Variants in LRIG1 observed in about 807,000 individuals in gnomAD.
LRIG1 encodes leucine-rich repeats and immunoglobulin-like domains protein 1.
A neutral mutation model predicts 99.2 loss-of-function variants in LRIG1; 48 were observed. The observed-to-expected ratio is 0.48, with a 90% CI of 0.38 to 0.62. The LOEUF is 0.62. LRIG1 is among the 20% of genes least tolerant of loss of function. The pLI, the probability that LRIG1 is intolerant of heterozygous loss-of-function variation, is 0.00. For missense variants in LRIG1, 1,646 were observed against 1,434.4 expected (o/e 1.15, Z -2.38); for synonymous variants, 772 against 596.1 (o/e 1.29, Z -4.30).
chr3:66,417,002 A>G, intron 4 of LRIG1, 127 bp downstream of exon 4: 1 of 1,277,062 alleles, frequency 7.8e-7, no homozygotes, highest in Non-Finnish European at 1.1e-6. Context: ...ATCCCCACTG[A>G]CTCGGCCCAG....
chr3:66,450,108 C>A (rs1019650254), intron 3 of LRIG1, among the ~76,000 whole-genome samples: 1 of 152,200 alleles, frequency 6.6e-6, no homozygotes, highest in African/African-American at 2.4e-5. Context: ...AAATTAAACA[C>A]CTTCCAGATG....
chr3:66,460,699 G>C (rs1700336244), intron 2 of LRIG1, among the ~76,000 whole-genome samples: 1 of 152,206 alleles, frequency 6.6e-6, no homozygotes, highest in South Asian at 2.1e-4. Flanking sequence ...AAGGCACCCA[G>C]CCTGTGCTAT....
chr3:66,495,361 C>T (rs898857109), intron 1 of LRIG1, among the ~76,000 whole-genome samples: 2 of 152,154 alleles, frequency 1.3e-5, no homozygotes, highest in Admixed American at 6.5e-5. Flanking sequence ...AATATTAACA[C>T]GGCCCAGAGT....
rs1032481802 is a variant in LRIG1, at chr3:66,379,447, C to T, written c.*816G>A. The T allele has an allele frequency of 6.6e-6, 1 of 152,102 alleles. No homozygotes were observed. Among genetic ancestry groups the T allele is most frequent in the Non-Finnish European group, 1.5e-5 (1 of 68,032 alleles). The allele number at this position is 152,102 out of a possible 1,614,324, so 9.4% of individuals were successfully genotyped here. The stretch of plus-strand genomic sequence containing the variant: ...GCAGCCTTTACCTTAATTTAAAAGT[C>T]TCAAATAGCAATCGAATGATACTGA... On this transcript the variant is annotated 3_prime_UTR_variant, in exon 19 of 19. Coordinates refer to ENST00000273261, the MANE Select transcript of LRIG1 (RefSeq NM_015541.3).
intron 7 of LRIG1, among the ~76,000 whole-genome samples, chr3:66,408,574 C>G (rs922705789): frequency 8.5e-5 from 13 of 152,182 alleles, no homozygotes; most frequent in African/African-American, 3.1e-4. Context: ...GCATGCCATC[C>G]CTGGGGCCAC....
Position 66,379,518 on chromosome 3 carries a change from G to A in LRIG1, c.*745C>T, listed in dbSNP as rs1700906117. ...TCATAAAATAAGAGGAGGAGGAAAGGCAGTGTTTAACTGTTCTGACCTTTT... is the reference window on the plus strand; with the variant it reads ...TCATAAAATAAGAGGAGGAGGAAAGACAGTGTTTAACTGTTCTGACCTTTT... On this transcript the variant is annotated 3_prime_UTR_variant, in exon 19 of 19. Transcript: ENST00000273261. 1 of 152,146 alleles carries A rather than the reference G, an allele frequency of 6.6e-6. No individual in the cohort carries two copies. The highest frequency in any genetic ancestry group is 2.1e-4 in the South Asian group (1 of 4,826). 9.4% of individuals were successfully genotyped at this position (152,146 alleles called of 1,614,324 possible). A position where few individuals can be genotyped will look rare whatever the true frequency, so the allele number is the denominator to read the frequency against.
rs571325180 is a variant in LRIG1 at position 66,439,200 on chromosome 3, C to T, written c.365+12359G>A. On this transcript the variant is annotated intron_variant, in intron 3 of 18. Coordinates refer to ENST00000273261, the MANE Select transcript of LRIG1 (RefSeq NM_015541.3). ...TGGAAGAACTGCGCCAAGGCCTCCC[C>T]GGGCCCAGCCCACGAAGCCCATGCT... 8.5e-5 allele frequency among the ~76,000 whole-genome samples: 13 copies of T among 152,352 alleles called. No homozygotes were observed. In the East Asian group the frequency reaches 1.4e-3, roughly 16 times the overall value.
intron 6 of LRIG1, among the ~76,000 whole-genome samples, chr3:66,412,136 A>C (rs903664512): frequency 4.6e-5 from 7 of 152,196 alleles, no homozygotes; most frequent in African/African-American, 1.7e-4. Flanking sequence ...GCTGCTGTAC[A>C]CATCTGGCTG....
chr3:66,434,002 C>A (rs1278265859), intron 3 of LRIG1, among the ~76,000 whole-genome samples: 1 of 152,144 alleles, frequency 6.6e-6, no homozygotes, highest in Non-Finnish European at 1.5e-5. Flanking sequence ...AGAGAAAACA[C>A]AAGAGAAAAT....
intron 12 of LRIG1, among the ~76,000 whole-genome samples, chr3:66,389,491 C>A (rs959517016): frequency 6.6e-6 from 1 of 152,110 alleles, no homozygotes; most frequent in Non-Finnish European, 1.5e-5. Context: ...TTCAAAGATA[C>A]AAATAAGCAG....
At chr3:66,386,887 A>T (rs905174188) in intron 12 of LRIG1, 12 of 152,204 alleles carry the variant, frequency 7.9e-5, no homozygotes, top group African/African-American at 2.9e-4. Flanking sequence ...GTGGTATTTT[A>T]ACTTATCCAA....
rs1401045512 is a variant in LRIG1 at position 66,381,489 on chromosome 3, T to C, written c.2760A>G (p.Pro920=). ...AMEKAEGTPG[P]HKMEHGGRVV... ...GGAAGCATCTCATACCCATCTTATG[T>C]GGCCCAGGTGTCCCTTCAGCTTTCT... Residue 920 remains proline (P), a synonymous_variant, in exon 17 of 19, where the codon CCA becomes CCG. Transcript: ENST00000273261. 6.2e-7 allele frequency: 1 copy of C among 1,613,274 alleles called. No individual in the cohort carries two copies. The highest frequency in any genetic ancestry group is 1.1e-5 in the South Asian group (1 of 91,066).
intron 1 of LRIG1, among the ~76,000 whole-genome samples, chr3:66,470,701 T>C (rs1700576894): frequency 6.6e-6 from 1 of 152,198 alleles, no homozygotes; most frequent in African/African-American, 2.4e-5. Context: ...GCCTTGTTCA[T>C]TTACTTAAAA....
intron 1 of LRIG1, among the ~76,000 whole-genome samples, chr3:66,487,294 AG>A (rs1161724308): frequency 2.0e-5 from 3 of 152,198 alleles, no homozygotes; most frequent in African/African-American, 7.2e-5. Flanking sequence ...CTGGCTCCAG[AG>A]GGGAAAACAG....
intron 11 of LRIG1, among the ~76,000 whole-genome samples, chr3:66,396,487 G>A (rs1253524329): frequency 6.6e-6 from 1 of 152,194 alleles, no homozygotes. Flanking sequence ...TTGATCTGAT[G>A]GAGAAAAAGA....
At chr3:66,406,051 C>T (rs1206319250) in intron 8 of LRIG1, 3 of 986,810 alleles carry the variant, frequency 3.0e-6, no homozygotes, top group Middle Eastern at 3.8e-4. Flanking sequence ...CTTAAATTTT[C>T]CCCCCGAGCC....
chr3:66,460,045 C>T (rs1428303892), intron 2 of LRIG1, among the ~76,000 whole-genome samples: 1 of 151,998 alleles, frequency 6.6e-6, no homozygotes, highest in African/African-American at 2.4e-5. Context: ...ATCTTGACTG[C>T]TGAGTCTTTG....
At position 66,382,994 on chromosome 3, in the gene LRIG1, C is replaced by G. The variant is rs763475002; in HGVS notation, c.2479G>C (p.Val827Leu). 6.2e-7 allele frequency: 1 copy of G among 1,611,608 alleles called. No individual in the cohort carries two copies. The highest frequency in any genetic ancestry group is 1.7e-5 in the Admixed American group (1 of 59,900). The change falls in exon 15 of 19, where the codon GTC becomes CTC. Residue 827 changes from valine (V) to leucine (L), a missense_variant. Physicochemically the swap from Val to Leu is conservative, Grantham distance 32. Transcript: ENST00000273261. ...GGCAGGGCCTGACCTGTGTTGGTGA[C>G]ACTGTACTCTTCACTCTTCTTCCTG... ...QTRKKSEEYS[V>L]TNTDETVVPP...
At position 66,379,749 on chromosome 3, in the gene LRIG1, A is replaced by G. The variant is rs1700921033; in HGVS notation, c.*514T>C. ...GCTCACCTGAAGCTCCTTCCGGCGC[A>G]TGTGGAGTCCCACCGCACAGCAGCC... On this transcript the variant is annotated 3_prime_UTR_variant, in exon 19 of 19. Transcript: ENST00000273261. The G allele has an allele frequency of 6.5e-6, 1 of 153,432 alleles. No individual in the cohort carries two copies. Among genetic ancestry groups the G allele is most frequent in the Non-Finnish European group, 1.5e-5 (1 of 68,888 alleles). 9.5% of individuals were successfully genotyped at this position (153,432 alleles called of 1,614,324 possible).
Sources: allele counts gnomAD v4.1 joint callset (sites outside exome capture counted in the v4.1 genomes callset), GRCh38; gene constraint gnomAD v4.1.1; transcripts MANE v1.5; gene names NCBI Gene and HGNC (gene_info 2026-07-23, HGNC 2026-07-21).